PTCD3: variants seen among roughly 807,000 people sequenced by gnomAD.
PTCD3 encodes small ribosomal subunit protein mS39.
A neutral mutation model predicts 101.9 loss-of-function variants in PTCD3; 89 were observed. The observed-to-expected ratio is 0.87, with a 90% confidence interval of 0.74 to 1.04. The LOEUF (loss-of-function observed/expected upper bound fraction) is 1.04. PTCD3 is among the 50% of genes least tolerant of loss of function. The probability of loss-of-function intolerance (pLI) is 0.00; values close to 1 mark genes in which losing one functional copy is unlikely to be tolerated. For missense variants in PTCD3, 870 were observed against 828.2 expected (o/e 1.05, Z -0.62); for synonymous variants, 296 against 278.5 (o/e 1.06, Z -0.63).
In PTCD3 at chr2:86,137,469, G is replaced by A; in HGVS notation, c.1980G>A (p.Lys660=). ...ATCCTCCATTTTCTTTTCTTAACAGGGAAGCCCTAAGTAATCTAACTGCAT... is the reference window on the plus strand; with the variant it reads ...ATCCTCCATTTTCTTTTCTTAACAGAGAAGCCCTAAGTAATCTAACTGCAT... The part of the protein sequence containing the change: ...MSDFAINQEQ[K]EALSNLTALT... Residue 660 remains lysine, a splice_region_variant and synonymous_variant, in exon 24 of 24, where the codon AAG becomes AAA. Transcript: ENST00000254630. 6.2e-7 allele frequency: 1 copy of A among 1,613,244 alleles called. No individual in the cohort carries two copies. The highest frequency in any genetic ancestry group is 8.5e-7 in the Non-Finnish European group (1 of 1,179,826).
intron 20 of PTCD3, among the ~76,000 whole-genome samples, 194 bp from the exon 21 acceptor site, chr2:86,134,645 G>A (rs751127774): frequency 6.6e-6 from 1 of 152,174 alleles, no homozygotes; most frequent in Non-Finnish European, 1.5e-5. Flanking sequence ...ATGCATAGCT[G>A]AATTTGAAAG....
intron 8 of PTCD3, among the ~76,000 whole-genome samples, chr2:86,123,072 A>C (rs1394314670): frequency 4.7e-4 from 71 of 152,208 alleles, no homozygotes; most frequent in African/African-American, 1.6e-3. Flanking sequence ...ATCCTGGCTA[A>C]CATGGTGAAA....
intron 1 of PTCD3, among the ~76,000 whole-genome samples, 160 bp from the exon 2 acceptor site, chr2:86,108,190 T>C (rs1377406120): frequency 1.3e-5 from 2 of 152,146 alleles, no homozygotes; most frequent in Admixed American, 6.5e-5. Flanking sequence ...CTTAATGATA[T>C]TGAACATGTG....
chr2:86,136,920 T>C, intron 22 of PTCD3, 62 bp from the exon 23 acceptor site: 1 of 1,585,254 alleles, frequency 6.3e-7, no homozygotes, highest in Non-Finnish European at 8.6e-7. Context: ...ACACTGGATC[T>C]TGCCTATAAA....
At chr2:86,123,672 T>C (rs748169116) in intron 8 of PTCD3, 29 bp from the exon 9 acceptor site, 3 of 1,541,572 alleles carry the variant, frequency 1.9e-6, no homozygotes, top group South Asian at 2.4e-5. Flanking sequence ...GCCTTAACTT[T>C]TATTTCTTTT....
intron 4 of PTCD3, among the ~76,000 whole-genome samples, chr2:86,114,462 G>A (rs1011145951): frequency 2.0e-5 from 3 of 152,036 alleles, no homozygotes; most frequent in Non-Finnish European, 2.9e-5. Flanking sequence ...GCTAATTTTT[G>A]TATTTTTAGT....
At chr2:86,131,382 C>T (rs556877694) in intron 16 of PTCD3, among the ~76,000 whole-genome samples, 6 of 152,132 alleles carry the variant, frequency 3.9e-5, no homozygotes, top group South Asian at 4.2e-4. Flanking sequence ...TACAGGTGTG[C>T]GCCACCACAC....
At chr2:86,129,058 A>G (rs555508342) in intron 14 of PTCD3, among the ~76,000 whole-genome samples, 62 of 152,154 alleles carry the variant, frequency 4.1e-4, no homozygotes, top group Middle Eastern at 3.4e-3. Flanking sequence ...TGTAAAATCC[A>G]TATCCTCACC....
intron 1 of PTCD3, 54 bp downstream of exon 1, chr2:86,106,405 A>C: frequency 6.5e-7 from 1 of 1,548,508 alleles, no homozygotes; most frequent in Non-Finnish European, 8.8e-7. Context: ...CCTTAGTCCT[A>C]TGTTTCCCAG....
intron 4 of PTCD3, chr2:86,111,967 C>G (rs1162598632): frequency 6.6e-6 from 1 of 151,980 alleles, no homozygotes; most frequent in Non-Finnish European, 1.5e-5. Context: ...TGGTCTCGAA[C>G]TCCTGACCTC....
At position 86,134,994 on chromosome 2, in the gene PTCD3, A is replaced by C. The variant is rs1177228452; in HGVS notation, c.1778+7A>C. ...GGAGAACTCAGGAAGCCTGGTGAGTACAGTACCACAAGTATACACTTTAGA... is the reference window on the plus strand; with the variant it reads ...GGAGAACTCAGGAAGCCTGGTGAGTCCAGTACCACAAGTATACACTTTAGA... On this transcript the variant is annotated splice_region_variant and intron_variant, in intron 21 of 23. Coordinates refer to ENST00000254630, the MANE Select transcript of PTCD3 (RefSeq NM_017952.6). 2 of 1,613,396 alleles carry C rather than the reference A, an allele frequency of 1.2e-6. No individual in the cohort carries two copies. Among genetic ancestry groups the C allele is most frequent in the Non-Finnish European group, 8.5e-7 (1 of 1,179,434 alleles).
intron 8 of PTCD3, among the ~76,000 whole-genome samples, chr2:86,122,798 C>G (rs1434316532): frequency 6.6e-6 from 1 of 152,204 alleles, no homozygotes; most frequent in Non-Finnish European, 1.5e-5. Context: ...TCCAGAGTAT[C>G]ACTTCCTGAA....
intron 4 of PTCD3, among the ~76,000 whole-genome samples, chr2:86,113,827 A>G (rs1674131518): frequency 6.6e-6 from 1 of 152,180 alleles, no homozygotes; most frequent in African/African-American, 2.4e-5. Context: ...AAAATTAAAT[A>G]TAAAATAAAG....
At position 86,133,587 on chromosome 2, in the gene PTCD3, C is replaced by T. The variant is rs114926785; in HGVS notation, c.1543+151C>T. On this transcript the variant is annotated intron_variant, in intron 19 of 23. Transcript: ENST00000254630. ...GAGATGTACTTCAAGGTCATGTGCT[C>T]ATGTTGCATGTTGGCTATCAGGAGA... is the stretch of plus-strand genomic sequence containing the variant. 782 of 802,514 alleles carry T rather than the reference C, an allele frequency of 9.7e-4. 4 individuals carry two copies. In the African/African-American group the frequency reaches 0.013, roughly 13 times the overall value. 49.7% of individuals were successfully genotyped at this position (802,514 alleles called of 1,614,324 possible). A position where few individuals can be genotyped will look rare whatever the true frequency, so the allele number is the denominator to read the frequency against.
rs373688348 is a variant in PTCD3, at chr2:86,141,984, G to C, written c.*4425G>C. 2 of 152,312 alleles carry C rather than the reference G, an allele frequency of 1.3e-5. No homozygotes were observed. Among genetic ancestry groups the C allele is most frequent in the South Asian group, 4.2e-4 (2 of 4,818 alleles). 9.4% of individuals were successfully genotyped at this position (152,312 alleles called of 1,614,324 possible). ...ACATCTCAGGAAGATTTTTAAGCAC[G>C]AGGAAGGAAAATACAGGCCTGGCCA... On this transcript the variant is annotated 3_prime_UTR_variant, in exon 24 of 24. Transcript: ENST00000254630.
chr2:86,127,213 T>C lies in PTCD3; in HGVS notation c.1004T>C (p.Phe335Ser). ...AQKVKPNLQT[F>S]NTILKCLRRF... The stretch of plus-strand genomic sequence containing the variant: ...AAGGTGAAACCAAATCTTCAGACTT[T>C]TAATACCATTCTGAAATGTCTCCGA... Residue 335 changes from phenylalanine (F) to serine (S), a missense_variant, in exon 13 of 24, where the codon TTT becomes TCT. By Grantham distance (155) the Phe-to-Ser change is radical. Transcript: ENST00000254630. 6.2e-7 allele frequency: 1 copy of C among 1,613,662 alleles called. No homozygotes were observed. The highest frequency in any genetic ancestry group is 8.5e-7 in the Non-Finnish European group (1 of 1,179,580).
At chr2:86,109,446 TTTAAGAACTTTA>T (rs1293165479) in intron 3 of PTCD3, among the ~76,000 whole-genome samples, 1 of 152,182 alleles carries the variant, frequency 6.6e-6, no homozygotes, top group African/African-American at 2.4e-5. Flanking sequence ...AAAAGACTTT[TTTAAGAACTTTA>T]TTAATCTGAA....
At chr2:86,116,758 A>G (rs1433440308) in intron 5 of PTCD3, among the ~76,000 whole-genome samples, 160 bp downstream of exon 5, 1 of 152,250 alleles carries the variant, frequency 6.6e-6, no homozygotes, top group African/African-American at 2.4e-5. Flanking sequence ...AGATGTACAT[A>G]TCGTCAATGG....
intron 20 of PTCD3, 112 bp downstream of exon 20, chr2:86,134,489 T>A (rs1003714898): frequency 1.2e-6 from 1 of 839,068 alleles, no homozygotes. Context: ...AAACCCATAT[T>A]TGAGTGATGA....
Sources: gnomAD v4.1 joint callset for allele counts (sites outside exome capture counted in the v4.1 genomes callset) on GRCh38, gnomAD v4.1.1 for gene constraint, MANE v1.5 for transcripts, NCBI Gene and HGNC (gene_info 2026-07-23, HGNC 2026-07-21) for gene names.